Variants in MASP1 observed in about 807,000 individuals in gnomAD.
MASP1 encodes mannan-binding lectin serine protease 1.
A neutral mutation model predicts 77.1 loss-of-function variants in MASP1; 59 were observed. That is an observed-to-expected ratio of 0.77 (90% confidence interval 0.62 to 0.95). MASP1 has a LOEUF of 0.95. MASP1 is among the 40% of genes least tolerant of loss of function. The pLI, the probability that MASP1 is intolerant of heterozygous loss-of-function variation, is 0.00. For synonymous variants in MASP1, 362 were observed against 354.5 expected, an observed-to-expected ratio of 1.02 and a Z score of -0.24; for missense variants, 885 against 912.9, an observed-to-expected ratio of 0.97 and a Z score of 0.39.
chr3:187,290,202 A>C (rs1341356315), intron 1 of MASP1, among the ~76,000 whole-genome samples: 1 of 152,214 alleles, frequency 6.6e-6, no homozygotes, highest in African/African-American at 2.4e-5. Context: ...TTCAAGGGAC[A>C]GAAACAGAAC....
At chr3:187,238,344 G>A (rs773969362) in intron 10 of MASP1, among the ~76,000 whole-genome samples, 21 of 152,186 alleles carry the variant, frequency 1.4e-4, no homozygotes, top group Non-Finnish European at 1.9e-4. Context: ...GCCAGAACTC[G>A]AACCTATTTA....
chr3:187,283,684 G>T (rs912322284), intron 2 of MASP1, among the ~76,000 whole-genome samples: 1 of 152,190 alleles, frequency 6.6e-6, no homozygotes, highest in African/African-American at 2.4e-5. Context: ...TGGTTAGCAT[G>T]TTTGAAAGTA....
chr3:187,280,334 A>G (rs1010925208), intron 2 of MASP1, among the ~76,000 whole-genome samples: 4 of 152,246 alleles, frequency 2.6e-5, no homozygotes, highest in African/African-American at 9.6e-5. Context: ...TGCTATTAAA[A>G]TATTACACAT....
chr3:187,268,212 T>G (rs1323342431), intron 2 of MASP1, among the ~76,000 whole-genome samples: 2 of 152,216 alleles, frequency 1.3e-5, no homozygotes, highest in East Asian at 1.9e-4. Context: ...CAAGGTGTGA[T>G]GCCTCATACC....
At chr3:187,250,768 C>A (rs1360824568) in intron 7 of MASP1, among the ~76,000 whole-genome samples, 1 of 152,170 alleles carries the variant, frequency 6.6e-6, no homozygotes. Context: ...AAACTGAACA[C>A]CCCTCTTTGA....
chr3:187,222,875 G>C lies in MASP1; in HGVS notation c.1809+252C>G, dbSNP rs72549258. Among the ~76,000 whole-genome samples the C allele has an allele frequency of 5.3e-5, 8 of 152,262 alleles. 1 individual carries two copies. The South Asian group carries it at 1.2e-3, about 24-fold the overall frequency. On this transcript the variant is annotated intron_variant, in intron 14 of 15. Transcript: ENST00000337774. Reference sequence around the variant, plus strand: ...CTGTTTTCTGGGAGAATTTTCATAAGCTAAGCCTTTAATAAGCTACCAGAA... The same window carrying C: ...CTGTTTTCTGGGAGAATTTTCATAACCTAAGCCTTTAATAAGCTACCAGAA...
chr3:187,283,521 T>C (rs960747481), intron 2 of MASP1, among the ~76,000 whole-genome samples: 4 of 152,206 alleles, frequency 2.6e-5, no homozygotes, highest in African/African-American at 9.7e-5. Context: ...AGTTTCTCAA[T>C]GACTATGAAG....
chr3:187,285,175 G>A (rs1717751400), intron 2 of MASP1, among the ~76,000 whole-genome samples: 1 of 151,470 alleles, frequency 6.6e-6, no homozygotes, highest in African/African-American at 2.4e-5. Context: ...TTTGTGGGGG[G>A]TTCTCTAAAT....
intron 8 of MASP1, among the ~76,000 whole-genome samples, chr3:187,249,647 A>C (rs1714395563): frequency 6.6e-6 from 1 of 152,222 alleles, no homozygotes; most frequent in South Asian, 2.1e-4. Flanking sequence ...CTAAAATATA[A>C]AGCTAGTCCA....
chr3:187,249,420 C>G (rs1353282562), intron 8 of MASP1, among the ~76,000 whole-genome samples: 1 of 152,152 alleles, frequency 6.6e-6, no homozygotes, highest in East Asian at 1.9e-4. Flanking sequence ...CCTTCCTTCC[C>G]TGACTATTTC....
chr3:187,263,440 C>G (rs1396448212), intron 2 of MASP1, among the ~76,000 whole-genome samples: 4 of 152,162 alleles, frequency 2.6e-5, no homozygotes, highest in South Asian at 4.1e-4. Context: ...AAGCCCCATT[C>G]TGTGAACAGT....
intron 5 of MASP1, among the ~76,000 whole-genome samples, chr3:187,254,736 G>A (rs1309659649): frequency 5.9e-5 from 9 of 152,078 alleles, no homozygotes; most frequent in African/African-American, 2.2e-4. Context: ...CAGGAGGTTG[G>A]GGGCAGTGGG....
At chr3:187,243,335 C>A (rs1455140843) in intron 9 of MASP1, 149 bp downstream of exon 9, 2 of 807,886 alleles carry the variant, frequency 2.5e-6, no homozygotes, top group Admixed American at 1.9e-5. Context: ...AAGTGAGAAC[C>A]TGAGATGTGT....
At chr3:187,282,898 C>G (rs1007833119) in intron 2 of MASP1, among the ~76,000 whole-genome samples, 1 of 152,242 alleles carries the variant, frequency 6.6e-6, no homozygotes, top group African/African-American at 2.4e-5. Context: ...TGTCCCAACT[C>G]ACAGATGCAA....
chr3:187,275,629 GAAACCAGTTCTATGA>G (rs1365958725), intron 2 of MASP1, among the ~76,000 whole-genome samples: 2 of 152,104 alleles, frequency 1.3e-5, no homozygotes, highest in Non-Finnish European at 2.9e-5. Context: ...CATTCTATTA[GAAACCAGTTCTATGA>G]AAACCAGTTC....
At chr3:187,284,233 T>A (rs1178242566) in intron 2 of MASP1, among the ~76,000 whole-genome samples, 1 of 152,200 alleles carries the variant, frequency 6.6e-6, no homozygotes, top group Non-Finnish European at 1.5e-5. Context: ...CCAGATCTTT[T>A]GTGTCCTAAA....
chr3:187,265,193 A>C (rs1164519800), intron 2 of MASP1, among the ~76,000 whole-genome samples: 3 of 152,146 alleles, frequency 2.0e-5, no homozygotes, highest in African/African-American at 7.2e-5. Context: ...GATGAACTTG[A>C]ATTTGTTAAT....
intron 2 of MASP1, among the ~76,000 whole-genome samples, chr3:187,274,163 G>T (rs952509158): frequency 1.3e-5 from 2 of 151,710 alleles, no homozygotes; most frequent in Non-Finnish European, 2.9e-5. Context: ...AGCAGAGATT[G>T]TGCCATTGCA....
At chr3:187,244,799 A>T (rs1713948971) in intron 8 of MASP1, 3 of 152,218 alleles carry the variant, frequency 2.0e-5, no homozygotes, top group South Asian at 2.1e-4. Flanking sequence ...GAATTTCCAG[A>T]GCCCTGGTAA....
Sources: gnomAD v4.1 joint callset for allele counts (sites outside exome capture counted in the v4.1 genomes callset) on GRCh38, gnomAD v4.1.1 for gene constraint, MANE v1.5 for transcripts, NCBI Gene and HGNC (gene_info 2026-07-23, HGNC 2026-07-21) for gene names.